Variants in MYO16 observed in about 807,000 individuals in gnomAD.
MYO16 encodes the protein unconventional myosin-XVI.
MYO16 carries 94 observed loss-of-function variants against 205.3 expected under a neutral mutation model. That is an observed-to-expected ratio of 0.46 (90% CI 0.39 to 0.54). The LOEUF (loss-of-function observed/expected upper bound fraction) is 0.54. MYO16 is among the 20% of genes least tolerant of loss of function. MYO16 has a pLI of 0.00. For missense variants in MYO16, 2,315 were observed against 2,387.5 expected, an observed-to-expected ratio of 0.97 and a Z score of 0.63; for synonymous variants, 988 against 954.0, an observed-to-expected ratio of 1.04 and a Z score of -0.66.
intron 12 of MYO16, among the ~76,000 whole-genome samples, chr13:108,873,636 A>ACCAGGACAGGGTCCAGGCCAACC: frequency 1.6e-5 from 2 of 126,478 alleles, no homozygotes; most frequent in African/African-American, 5.8e-5. Context: ...CAGGCCAACC[A>ACCAGGACAGGGTCCAGGCCAACC]ACCAGGACAG....
chr13:108,633,809 G>A (rs1297887201), intron 1 of MYO16, among the ~76,000 whole-genome samples: 2 of 152,014 alleles, frequency 1.3e-5, no homozygotes, highest in Admixed American at 6.6e-5. Flanking sequence ...TCTAGCTATC[G>A]CACACACTGT....
At chr13:108,563,742 T>A in the MYO16 span, among the ~76,000 whole-genome samples, 1 of 152,206 alleles carries the variant, frequency 6.6e-6, no homozygotes, top group Non-Finnish European at 1.5e-5. Flanking sequence ...CATTCATCTG[T>A]TGATGGACAC....
chr13:108,565,664 C>T, the MYO16 span, among the ~76,000 whole-genome samples: 5 of 152,040 alleles, frequency 3.3e-5, no homozygotes, highest in Non-Finnish European at 7.4e-5. Flanking sequence ...TTTTGATACG[C>T]TTTATATCTT....
chr13:109,120,063 T>A (rs988857736), intron 28 of MYO16, among the ~76,000 whole-genome samples: 7 of 152,230 alleles, frequency 4.6e-5, no homozygotes, highest in African/African-American at 1.7e-4. Flanking sequence ...TTCATGGGGA[T>A]GCTCTTATCT....
intron 20 of MYO16, among the ~76,000 whole-genome samples, chr13:108,983,866 C>T (rs1327928213): frequency 6.6e-6 from 1 of 152,020 alleles, no homozygotes; most frequent in Non-Finnish European, 1.5e-5. Flanking sequence ...TATGTTGAGT[C>T]CTCCCTCACC....
chr13:108,584,136 G>A, the MYO16 span, among the ~76,000 whole-genome samples: 4,073 of 152,108 alleles, frequency 0.027, 175 homozygotes, highest in African/African-American at 0.091. Context: ...TGTATTTTTA[G>A]TAGAGACGAG....
At chr13:108,927,719 C>T (rs543966881) in intron 16 of MYO16, among the ~76,000 whole-genome samples, 2 of 152,236 alleles carry the variant, frequency 1.3e-5, no homozygotes, top group South Asian at 2.1e-4. Context: ...CTTGCGCATG[C>T]CCTGGAGGTG....
At chr13:108,769,355 G>A (rs974325130) in intron 4 of MYO16, among the ~76,000 whole-genome samples, 1 of 152,096 alleles carries the variant, frequency 6.6e-6, no homozygotes, top group Admixed American at 6.5e-5. Flanking sequence ...GAGAAGATCT[G>A]TGTGGCCAGA....
chr13:108,772,439 A>C (rs1424633311), intron 4 of MYO16, among the ~76,000 whole-genome samples: 2 of 152,202 alleles, frequency 1.3e-5, no homozygotes, highest in Non-Finnish European at 2.9e-5. Context: ...CAAGCAATGA[A>C]AAAGAGTGTC....
At chr13:109,022,640 C>A (rs1214209237) in intron 23 of MYO16, among the ~76,000 whole-genome samples, 2 of 130,204 alleles carry the variant, frequency 1.5e-5, no homozygotes, top group Admixed American at 8.5e-5. Flanking sequence ...TATATATATG[C>A]ATATAAACAT....
chr13:108,912,392 C>A (rs1291536552), intron 16 of MYO16, among the ~76,000 whole-genome samples: 2 of 151,774 alleles, frequency 1.3e-5, no homozygotes, highest in Non-Finnish European at 1.5e-5. Context: ...TTTTCTGTTC[C>A]CAAAATACAA....
chr13:108,930,611 A>G (rs931402027), intron 16 of MYO16, among the ~76,000 whole-genome samples: 5 of 152,224 alleles, frequency 3.3e-5, no homozygotes, highest in Non-Finnish European at 7.4e-5. Context: ...GGAGTATTTC[A>G]CACACAAAAA....
chr13:109,171,081 T>G lies in MYO16; in HGVS notation c.5323+6022T>G, dbSNP rs537845084. Among the ~76,000 whole-genome samples, 4 of 152,326 alleles carry G rather than the reference T, an allele frequency of 2.6e-5. No individual in the cohort carries two copies. In the South Asian group the frequency reaches 8.3e-4, roughly 32 times the overall value. ...CCATGAATTTCTGGGGGCCTGGAAC[T>G]TTCCCCATGATTTTTAAAACATCCA... On this transcript the variant is annotated intron_variant, in intron 33 of 34. Coordinates refer to ENST00000457511, the MANE Select transcript of MYO16 (RefSeq NM_001198950.3).
chr13:108,985,232 G>A (rs991796482), intron 20 of MYO16, among the ~76,000 whole-genome samples: 3 of 152,184 alleles, frequency 2.0e-5, no homozygotes, highest in African/African-American at 7.2e-5. Context: ...GACTTCACGT[G>A]CTGCTGTTGT....
intron 11 of MYO16, among the ~76,000 whole-genome samples, chr13:108,864,393 A>G (rs913321906): frequency 1.3e-5 from 2 of 152,196 alleles, no homozygotes; most frequent in African/African-American, 4.8e-5. Context: ...ATTTGCAGAT[A>G]TATTGTAAAA....
chr13:108,636,254 G>A (rs1880220601), intron 1 of MYO16, among the ~76,000 whole-genome samples: 1 of 151,344 alleles, frequency 6.6e-6, no homozygotes, highest in Admixed American at 6.6e-5. Flanking sequence ...CTCCTGATTA[G>A]TGTTCATGAC....
the MYO16 span, among the ~76,000 whole-genome samples, chr13:108,503,538 T>G: frequency 6.6e-6 from 1 of 152,082 alleles, no homozygotes; most frequent in Non-Finnish European, 1.5e-5. Flanking sequence ...TCTTTGAAGA[T>G]CATTCAAGTG....
chr13:109,169,955 C>G (rs1297458922), intron 33 of MYO16, among the ~76,000 whole-genome samples: 2 of 152,134 alleles, frequency 1.3e-5, no homozygotes, highest in Non-Finnish European at 2.9e-5. Context: ...AACAGTGAAA[C>G]TCGACTCTGC....
intron 27 of MYO16, among the ~76,000 whole-genome samples, chr13:109,073,470 A>G (rs1160376033): frequency 1.3e-5 from 2 of 152,112 alleles, no homozygotes; most frequent in Admixed American, 6.6e-5. Context: ...AAGCATGAAG[A>G]AAAAATGAAT....
Sources: allele counts gnomAD v4.1 joint callset (sites outside exome capture counted in the v4.1 genomes callset), GRCh38; gene constraint gnomAD v4.1.1; transcripts MANE v1.5; gene names NCBI Gene and HGNC (gene_info 2026-07-23, HGNC 2026-07-21).